RARB: variants seen among roughly 807,000 people sequenced by gnomAD.
RARB encodes the protein HBV-activated protein.
A neutral mutation model predicts 51.9 loss-of-function variants in RARB; 17 were observed. The observed-to-expected ratio is 0.33, with a 90% CI of 0.22 to 0.49. RARB has a LOEUF of 0.49. Among genes scored for constraint, RARB ranks in the 20% least tolerant of loss-of-function variants. The pLI is 0.99. For synonymous variants in RARB, 215 were observed against 195.4 expected, an observed-to-expected ratio of 1.10 and a Z score of -0.84; for missense variants, 369 against 550.8, an observed-to-expected ratio of 0.67 and a Z score of 3.30.
At chr3:25,341,097 C>T (rs1575325337) in intron 5 of RARB, among the ~76,000 whole-genome samples, 1 of 152,278 alleles carries the variant, frequency 6.6e-6, no homozygotes, top group East Asian at 1.9e-4. Context: ...CTCAACTTTG[C>T]CTCTACAGCT....
intron 3 of RARB, among the ~76,000 whole-genome samples, chr3:25,082,366 T>C (rs1358294175): frequency 2.6e-5 from 4 of 152,160 alleles, no homozygotes; most frequent in Non-Finnish European, 4.4e-5. Flanking sequence ...GATTAATTCT[T>C]CTTTTTTCTG....
At chr3:25,006,465 G>A (rs1316189844) in intron 2 of RARB, among the ~76,000 whole-genome samples, 36 of 152,066 alleles carry the variant, frequency 2.4e-4, no homozygotes, top group Admixed American at 2.3e-3. Context: ...GAATGGCTGT[G>A]GTATTGATTA....
At chr3:25,387,675 C>T (rs141296414) in intron 5 of RARB, among the ~76,000 whole-genome samples, 252 of 152,186 alleles carry the variant, frequency 1.7e-3, no homozygotes, top group Non-Finnish European at 3.0e-3. Context: ...AAGTGGCTCA[C>T]CATCAGGTCC....
intron 5 of RARB, among the ~76,000 whole-genome samples, chr3:25,302,575 G>A (rs1704066490): frequency 6.6e-6 from 1 of 152,224 alleles, no homozygotes; most frequent in African/African-American, 2.4e-5. Context: ...ACAGAAAGTA[G>A]ATTAGCAGCT....
At chr3:25,316,015 T>C (rs1297319135) in intron 5 of RARB, among the ~76,000 whole-genome samples, 1 of 152,224 alleles carries the variant, frequency 6.6e-6, no homozygotes, top group Non-Finnish European at 1.5e-5. Context: ...GTCACCTAGA[T>C]CCACTAGACT....
chr3:25,312,553 T>C (rs1199730188), intron 5 of RARB, among the ~76,000 whole-genome samples: 1 of 152,152 alleles, frequency 6.6e-6, no homozygotes. Context: ...AGAAGAGGTA[T>C]AGTAATGTAA....
chr3:25,145,896 G>T (rs1368282885), intron 4 of RARB, among the ~76,000 whole-genome samples: 1 of 152,062 alleles, frequency 6.6e-6, no homozygotes, highest in African/African-American at 2.4e-5. Flanking sequence ...CAGCTACTTG[G>T]GAGGCTGAGG....
At chr3:25,249,681 A>ATTT (rs775744919) in intron 5 of RARB, among the ~76,000 whole-genome samples, 7,207 of 94,952 alleles carry the variant, frequency 0.076, 293 homozygotes, top group Non-Finnish European at 0.12. Flanking sequence ...TCTCTGTATG[A>ATTT]TTTTTTTTTT....
intron 1 of RARB, among the ~76,000 whole-genome samples, chr3:24,838,930 T>G (rs1261489283): frequency 6.6e-6 from 1 of 151,240 alleles, no homozygotes; most frequent in Admixed American, 6.6e-5. Flanking sequence ...TCTCCAGGTT[T>G]TTTTTTTTTT....
At position 25,165,146 on chromosome 3, in the gene RARB, C is replaced by T. The variant is rs553492739; in HGVS notation, c.-279-8973C>T. Among the ~76,000 whole-genome samples, 33 of 152,198 alleles carry T rather than the reference C, an allele frequency of 2.2e-4. No homozygotes were observed. The South Asian group carries it at 6.4e-3, about 30-fold the overall frequency. On this transcript the variant is annotated intron_variant, in intron 4 of 11. Coordinates refer to the RARB transcript ENST00000383772. ...AAACCAGTTTCAATGGTTAAAGACACCGGCCTCACAATGTCTAGAATGCCG... is the reference window on the plus strand; with the variant it reads ...AAACCAGTTTCAATGGTTAAAGACATCGGCCTCACAATGTCTAGAATGCCG...
intron 2 of RARB, among the ~76,000 whole-genome samples, chr3:24,890,808 G>A (rs1353941296): frequency 1.3e-5 from 2 of 151,906 alleles, no homozygotes; most frequent in African/African-American, 2.4e-5. Flanking sequence ...TACATGCCTC[G>A]GCAATATTGC....
chr3:24,976,544 G>A (rs1269677476), intron 2 of RARB, among the ~76,000 whole-genome samples: 1 of 152,226 alleles, frequency 6.6e-6, no homozygotes, highest in East Asian at 1.9e-4. Context: ...TTTTTCATGT[G>A]TCTGTTGGCT....
At chr3:24,839,002 G>A (rs1463591987) in intron 1 of RARB, among the ~76,000 whole-genome samples, 2 of 151,686 alleles carry the variant, frequency 1.3e-5, no homozygotes, top group African/African-American at 4.8e-5. Context: ...ATTATGGGAT[G>A]AAATTTGGCT....
intron 5 of RARB, among the ~76,000 whole-genome samples, chr3:25,271,302 A>G (rs1703252017): frequency 6.6e-6 from 1 of 152,184 alleles, no homozygotes; most frequent in Non-Finnish European, 1.5e-5. Context: ...GGTTTTTCAT[A>G]TAAATAATAG....
intron 1 of RARB, among the ~76,000 whole-genome samples, chr3:24,832,214 T>C (rs1457366872): frequency 6.6e-6 from 1 of 152,174 alleles, no homozygotes; most frequent in Non-Finnish European, 1.5e-5. Context: ...CAATCAAGCA[T>C]ATGAATGTTT....
chr3:25,217,713 G>A (rs578247834), intron 5 of RARB, among the ~76,000 whole-genome samples: 2 of 152,200 alleles, frequency 1.3e-5, no homozygotes, highest in Admixed American at 6.5e-5. Context: ...TTTGTTCTTC[G>A]CTCAGTGTAA....
intron 5 of RARB, among the ~76,000 whole-genome samples, chr3:25,271,450 G>A (rs1644524938): frequency 2.0e-5 from 3 of 152,204 alleles, no homozygotes; most frequent in Admixed American, 2.0e-4. Context: ...AGAAAATTTA[G>A]TCACGTTCCT....
chr3:24,956,443 A>G lies in RARB; in HGVS notation c.-380+97691A>G, dbSNP rs1428792768. ...AACCACCCTCATATGAACAATACTC[A>G]TGTATCAATGGTCTGGAGTTGCTGG... is the stretch of plus-strand genomic sequence containing the variant. On this transcript the variant is annotated intron_variant, in intron 2 of 11. Transcript: ENST00000383772. 3.3e-5 allele frequency among the ~76,000 whole-genome samples: 5 copies of G among 152,148 alleles called. No individual in the cohort carries two copies. In the East Asian group the frequency reaches 7.7e-4, roughly 23 times the overall value.
intron 5 of RARB, among the ~76,000 whole-genome samples, chr3:25,403,744 T>G (rs1220231054): frequency 6.6e-6 from 1 of 151,982 alleles, no homozygotes; most frequent in Non-Finnish European, 1.5e-5. Flanking sequence ...GATATTTTCC[T>G]GGAAAAATCT....
Sources: gnomAD v4.1 joint callset for allele counts (sites outside exome capture counted in the v4.1 genomes callset) on GRCh38, gnomAD v4.1.1 for gene constraint, MANE v1.5 for transcripts, NCBI Gene and HGNC (gene_info 2026-07-23, HGNC 2026-07-21) for gene names.